Variants in WDR55 observed in about 807,000 individuals in gnomAD.
WDR55 encodes the protein WD repeat-containing protein 55.
In WDR55, 31 loss-of-function variants were observed where a neutral mutation model predicts 34.0. The observed-to-expected ratio is 0.91, with a 90% confidence interval of 0.69 to 1.23. The LOEUF (loss-of-function observed/expected upper bound fraction) is 1.23. WDR55 is among the 50% of genes most tolerant of loss of function. WDR55 has a pLI of 0.00. For synonymous variants in WDR55, 164 were observed against 185.9 expected, an observed-to-expected ratio of 0.88 and a Z score of 0.96; for missense variants, 440 against 494.6, an observed-to-expected ratio of 0.89 and a Z score of 1.05.
In WDR55 at chr5:140,671,712, A is replaced by G; in HGVS notation, c.*2058A>G. ...CGCTGCTTCAGGTCTGGCTTGAGCCACTCCACAGCCACCTGCTCTCCACAG... is the reference window on the plus strand; with the variant it reads ...CGCTGCTTCAGGTCTGGCTTGAGCCGCTCCACAGCCACCTGCTCTCCACAG... On this transcript the variant is annotated 3_prime_UTR_variant, in exon 7 of 7. Coordinates refer to ENST00000358337, the MANE Select transcript of WDR55 (RefSeq NM_017706.5). 6.3e-7 allele frequency: 1 copy of G among 1,583,070 alleles called. No homozygotes were observed. The highest frequency in any genetic ancestry group is 2.3e-5 in the East Asian group (1 of 43,846).
At chr5:140,668,173 C>CT (rs1358458345) in intron 1 of WDR55, 61 bp from the exon 2 acceptor site, 1 of 1,519,756 alleles carries the variant, frequency 6.6e-7, no homozygotes, top group African/African-American at 1.4e-5. Context: ...TAGTTGGTCT[C>CT]TGCACTCAAT....
Position 140,671,985 on chromosome 5 carries a change from G to A in WDR55, c.*2331G>A. 1.6e-6 allele frequency: 1 copy of A among 606,904 alleles called. No homozygotes were observed. The highest frequency in any genetic ancestry group is 2.9e-6 in the Non-Finnish European group (1 of 343,986). The allele number at this position is 606,904 out of a possible 1,614,324, so 37.6% of individuals were successfully genotyped here. A position where few individuals can be genotyped will look rare whatever the true frequency, so the allele number is the denominator to read the frequency against. ...GAAGTACTGGTTAATTGCAGGCTTT[G>A]TCTGCCTCATAACCATCATAATGGC... On this transcript the variant is annotated 3_prime_UTR_variant, in exon 7 of 7. Coordinates refer to ENST00000358337, the MANE Select transcript of WDR55 (RefSeq NM_017706.5).
chr5:140,671,247 CAGGCT>C lies in WDR55; in HGVS notation c.*1594_*1598del. The C allele has an allele frequency of 6.2e-7, 1 of 1,610,266 alleles. No individual in the cohort carries two copies. Among genetic ancestry groups the C allele is most frequent in the Non-Finnish European group, 8.5e-7 (1 of 1,178,392 alleles). ...AGGCCTGCTGGGATGGGGCCTGACA[CAGGCT>C]CTGCATGCCCATTCAGGGTGCCTGT... On this transcript the variant is annotated 3_prime_UTR_variant, in exon 7 of 7. Coordinates refer to ENST00000358337, the MANE Select transcript of WDR55 (RefSeq NM_017706.5).
At chr5:140,668,389 C>T (rs1757973242) in intron 2 of WDR55, 26 bp from the exon 3 acceptor site, 1 of 1,614,202 alleles carries the variant, frequency 6.2e-7, no homozygotes, top group Non-Finnish European at 8.5e-7. Context: ...GTGAGCAGCA[C>T]CATGACCTGG....
chr5:140,668,744 C>T lies in WDR55; in HGVS notation c.513C>T (p.Ile171=), dbSNP rs367923106. The T allele has an allele frequency of 6.3e-5, 101 of 1,614,014 alleles. No individual in the cohort carries two copies. Among genetic ancestry groups the T allele is most frequent in the Middle Eastern group, 1.6e-4 (1 of 6,084 alleles). ...LMDMRQHEEY[I]ADMALDPAKK... ...ATATGAGGCAACATGAAGAGTACAT[C>T]GCAGACATGGCTCTGGATCCAGCCA... The change falls in exon 4 of 7, where the codon ATC becomes ATT. Residue 171 remains isoleucine (I), a synonymous_variant. Coordinates refer to ENST00000358337, the MANE Select transcript of WDR55 (RefSeq NM_017706.5).
Position 140,669,723 on chromosome 5 carries a change from G to A in WDR55, c.*69G>A, listed in dbSNP as rs1050345361. 11 of 1,420,198 alleles carry A rather than the reference G, an allele frequency of 7.7e-6. No individual in the cohort carries two copies. In the South Asian group the frequency reaches 1.5e-4, roughly 19 times the overall value. 88.0% of individuals were successfully genotyped at this position (1,420,198 alleles called of 1,614,324 possible). A position where few individuals can be genotyped will look rare whatever the true frequency, so the allele number is the denominator to read the frequency against. ...TCTTGCTTATTGGGCTGCATCCCCA[G>A]AGAGGATATGAATTATTTTTTGAAA... On this transcript the variant is annotated 3_prime_UTR_variant, in exon 7 of 7. Coordinates refer to ENST00000358337, the MANE Select transcript of WDR55 (RefSeq NM_017706.5).
chr5:140,671,772 A>G lies in WDR55; in HGVS notation c.*2118A>G, dbSNP rs1758081821. The G allele has an allele frequency of 1.9e-6, 3 of 1,556,400 alleles. No homozygotes were observed. Among genetic ancestry groups the G allele is most frequent in the Non-Finnish European group, 2.6e-6 (3 of 1,149,362 alleles). On this transcript the variant is annotated 3_prime_UTR_variant, in exon 7 of 7. Transcript: ENST00000358337. ...TGCCCTGTAGGAAAAATGCAAAGAC[A>G]AGGGCAGGTCTAAACCCTGGGCCCA...
chr5:140,665,191 G>A (rs1284019192), intron 1 of WDR55, 88 bp downstream of exon 1: 2 of 1,324,556 alleles, frequency 1.5e-6, no homozygotes, highest in East Asian at 2.5e-5. Context: ...AAGTTGCAGG[G>A]AGACAAATTT....
intron 6 of WDR55, 24 bp from the exon 7 acceptor site, chr5:140,669,309 C>T: frequency 6.2e-7 from 1 of 1,610,978 alleles, no homozygotes; most frequent in Non-Finnish European, 8.5e-7. Flanking sequence ...AGCCAGTACT[C>T]AACACTGTTC....
rs1267824691 is a variant in WDR55, at chr5:140,668,396, C to T, written c.293-19C>T. On this transcript the variant is annotated intron_variant, in intron 2 of 6. Transcript: ENST00000358337. The stretch of plus-strand genomic sequence containing the variant: ...AGGGAGCAGTGAGCAGCACCATGAC[C>T]TGGGCACCTTTTCCCCAGAGCTCAT... 1 of 1,614,218 alleles carries T rather than the reference C, an allele frequency of 6.2e-7. No individual in the cohort carries two copies. Among genetic ancestry groups the T allele is most frequent in the South Asian group, 1.1e-5 (1 of 91,084 alleles).
At chr5:140,667,066 A>G in intron 1 of WDR55, 1 of 985,460 alleles carries the variant, frequency 1.0e-6, no homozygotes, top group African/African-American at 1.7e-5. Context: ...CTACCCTTGC[A>G]GAGGGGACAA....
intron 1 of WDR55, 23 bp from the exon 2 acceptor site, chr5:140,668,211 T>C: frequency 3.2e-6 from 5 of 1,573,192 alleles, no homozygotes; most frequent in Non-Finnish European, 4.3e-6. Flanking sequence ...TGGAGTCATT[T>C]ACCCTCCTTG....
rs769539023 is a variant in WDR55 at position 140,668,892 on chromosome 5, G to A, written c.562G>A (p.Gly188Arg). The A allele has an allele frequency of 4.3e-6, 7 of 1,614,064 alleles. No homozygotes were observed. The highest frequency in any genetic ancestry group is 1.7e-5 in the Admixed American group (1 of 60,012). The change falls in exon 5 of 7, where the codon GGG (glycine) becomes AGG (arginine). Residue 188 changes from glycine (G) to arginine (R), a missense_variant and splice_region_variant. Physicochemically the swap from Gly to Arg is moderately radical, Grantham distance 125. Coordinates refer to ENST00000358337, the MANE Select transcript of WDR55 (RefSeq NM_017706.5). ...PAKKLLLTAS[G>R]DGCLGIFNIK... ...AGCCTACTGCTCTACTCTCTACAGC[G>A]GGGATGGCTGCCTTGGCATCTTCAA...
rs371412129 is a variant in WDR55, at chr5:140,669,213, T to C, written c.795T>C (p.Ser265=). 2 of 1,612,268 alleles carry C rather than the reference T, an allele frequency of 1.2e-6. No individual in the cohort carries two copies. Among genetic ancestry groups the C allele is most frequent in the Non-Finnish European group, 1.7e-6 (2 of 1,179,648 alleles). Reference sequence around the variant, plus strand: ...ACTGCATGGTTCCAGTCACCGAGAGTCTGCTGTGTACTGGCTCCACTGATG... The same window carrying C: ...ACTGCATGGTTCCAGTCACCGAGAGCCTGCTGTGTACTGGCTCCACTGATG... ...SIDCMVPVTE[S]LLCTGSTDGV... is the part of the protein sequence containing the mutation. The change falls in exon 6 of 7, where the codon AGT becomes AGC. Residue 265 remains serine (S), a synonymous_variant. Coordinates refer to ENST00000358337, the MANE Select transcript of WDR55 (RefSeq NM_017706.5).
Position 140,671,571 on chromosome 5 carries a change from G to A in WDR55, c.*1917G>A, listed in dbSNP as rs1427830709. The A allele has an allele frequency of 1.9e-6, 3 of 1,566,906 alleles. No individual in the cohort carries two copies. Among genetic ancestry groups the A allele is most frequent in the African/African-American group, 2.7e-5 (2 of 73,564 alleles). On this transcript the variant is annotated 3_prime_UTR_variant, in exon 7 of 7. Coordinates refer to ENST00000358337, the MANE Select transcript of WDR55 (RefSeq NM_017706.5). ...CTGCCCAGCTTCATTCGTTGGCACA[G>A]CAACTGCAGGGTAGCCCGAGCCCCT...
At chr5:140,666,778 C>T (rs2149811450) in intron 1 of WDR55, 1 of 985,416 alleles carries the variant, frequency 1.0e-6, no homozygotes, top group South Asian at 4.7e-5. Context: ...TCGTAGCTTA[C>T]TAGTCCGTTA....
At chr5:140,666,868 A>G (rs969650680) in intron 1 of WDR55, 2 of 960,094 alleles carry the variant, frequency 2.1e-6, no homozygotes, top group African/African-American at 4.4e-5. Flanking sequence ...TCCAACCTCT[A>G]GTCTAGGGTA....
chr5:140,667,991 G>C (rs113048720), intron 1 of WDR55: 2 of 369,106 alleles, frequency 5.4e-6, no homozygotes, highest in African/African-American at 2.1e-5. Context: ...AAGAGGGGTT[G>C]GGTGGGATCA....
rs768325712 is a variant in WDR55 at position 140,671,253 on chromosome 5, C to T, written c.*1599C>T. ...GCTGGGATGGGGCCTGACACAGGCT[C>T]TGCATGCCCATTCAGGGTGCCTGTG... On this transcript the variant is annotated 3_prime_UTR_variant, in exon 7 of 7. Coordinates refer to ENST00000358337, the MANE Select transcript of WDR55 (RefSeq NM_017706.5). 33 of 1,611,020 alleles carry T rather than the reference C, an allele frequency of 2.0e-5. No homozygotes were observed. In the South Asian group the frequency reaches 3.4e-4, roughly 17 times the overall value.
Sources: gnomAD v4.1 joint callset for allele counts on GRCh38, gnomAD v4.1.1 for gene constraint, MANE v1.5 for transcripts, NCBI Gene and HGNC (gene_info 2026-07-23, HGNC 2026-07-21) for gene names.